Variants in RORA observed in about 807,000 individuals in gnomAD.
The protein encoded by RORA is RAR related orphan receptor A, also known as nuclear receptor ROR-alpha.
A neutral mutation model predicts 69.5 loss-of-function variants in RORA; 7 were observed. The observed-to-expected ratio is 0.10, with a 90% CI of 0.06 to 0.19. RORA has a LOEUF of 0.19. Among genes scored for constraint, RORA ranks in the 10% least tolerant of loss-of-function variants. The pLI, the probability that RORA is intolerant of heterozygous loss-of-function variation, is 1.00. For missense variants in RORA, 457 were observed against 663.0 expected (o/e 0.69, Z 3.41); for synonymous variants, 261 against 240.8 (o/e 1.08, Z -0.78).
chr15:60,854,100 A>G (rs2073355672), intron 1 of RORA, among the ~76,000 whole-genome samples: 1 of 152,148 alleles, frequency 6.6e-6, no homozygotes, highest in Non-Finnish European at 1.5e-5. Flanking sequence ...CATCTCCACT[A>G]AAAATACAAA....
chr15:60,848,857 C>T (rs1453949471), intron 1 of RORA: 3 of 152,314 alleles, frequency 2.0e-5, no homozygotes, highest in East Asian at 1.9e-4. Flanking sequence ...TCCCACTAGG[C>T]CCCTACTCCA....
intron 1 of RORA, among the ~76,000 whole-genome samples, chr15:60,863,825 G>A (rs1464679198): frequency 1.0e-5 from 1 of 99,268 alleles, no homozygotes; most frequent in South Asian, 3.3e-4. Flanking sequence ...TTTTTTTTTT[G>A]AGACAGAGTC....
chr15:60,994,534 T>C (rs1894470941), intron 1 of RORA, among the ~76,000 whole-genome samples: 1 of 152,246 alleles, frequency 6.6e-6, no homozygotes, highest in Non-Finnish European at 1.5e-5. Flanking sequence ...GGCTTCCTGT[T>C]GCCATCTCTG....
At chr15:60,740,727 C>T (rs2071564721) in intron 1 of RORA, among the ~76,000 whole-genome samples, 2 of 152,254 alleles carry the variant, frequency 1.3e-5, no homozygotes, top group Middle Eastern at 3.4e-3. Context: ...AAAAATGTGA[C>T]ATTGTTAGGT....
chr15:61,161,348 C>T (rs1042832056), intron 1 of RORA, among the ~76,000 whole-genome samples: 39 of 152,110 alleles, frequency 2.6e-4, no homozygotes, highest in African/African-American at 8.9e-4. Flanking sequence ...GATATAAAAT[C>T]GGAAGAATTT....
At chr15:60,632,392 C>G (rs7162257) in intron 2 of RORA, among the ~76,000 whole-genome samples, 86,250 of 151,944 alleles carry the variant, frequency 0.57, 24,584 homozygotes, top group East Asian at 0.7. Flanking sequence ...CATGCATGAG[C>G]CACTGCGCCC....
Position 60,531,963 on chromosome 15 carries a change from C to T in RORA, c.197-112G>A. The T allele has an allele frequency of 1.6e-6, 1 of 608,096 alleles. No individual in the cohort carries two copies. Among genetic ancestry groups the T allele is most frequent in the Non-Finnish European group, 2.8e-6 (1 of 351,364 alleles). The allele number at this position is 608,096 out of a possible 1,614,324, so 37.7% of individuals were successfully genotyped here. A position where few individuals can be genotyped will look rare whatever the true frequency, so the allele number is the denominator to read the frequency against. ...AACTAATAACCTGCTAAACATTATA[C>T]TGCATTAACTATTCATTGCTGAACT... On this transcript the variant is annotated intron_variant, in intron 2 of 10. Coordinates refer to ENST00000335670, the MANE Select transcript of RORA (RefSeq NM_134261.3). The surrounding 1 kb of genome is among the most constrained non-coding windows in gnomAD (Gnocchi z 4.8).
chr15:60,936,459 T>C (rs1472232566), intron 1 of RORA, among the ~76,000 whole-genome samples: 1 of 152,250 alleles, frequency 6.6e-6, no homozygotes, highest in Non-Finnish European at 1.5e-5. Context: ...TGCACACCTG[T>C]CACACCTTCA....
intron 2 of RORA, among the ~76,000 whole-genome samples, chr15:60,559,136 G>T (rs929811701): frequency 3.9e-5 from 6 of 151,914 alleles, no homozygotes; most frequent in African/African-American, 1.5e-4. Context: ...ACGAAATAAA[G>T]AGTATTTTAC....
At chr15:60,927,275 C>A (rs1187919359) in intron 1 of RORA, among the ~76,000 whole-genome samples, 1 of 152,168 alleles carries the variant, frequency 6.6e-6, no homozygotes, top group Non-Finnish European at 1.5e-5. Flanking sequence ...CCTAAGGAAG[C>A]TCTATCCTAT....
In RORA at chr15:60,918,363, T is replaced by A. The variant is rs535200674; in HGVS notation, c.167-239677A>T. Among the ~76,000 whole-genome samples, 14 of 152,386 alleles carry A rather than the reference T, an allele frequency of 9.2e-5. No homozygotes were observed. The South Asian group carries it at 2.7e-3, about 29-fold the overall frequency. On this transcript the variant is annotated intron_variant, in intron 1 of 10. Transcript: ENST00000335670. ...AGAAAGTTACTGGTTTGGTAGGCCA[T>A]TAGTGAATTTCCAGTGGCTACTAAT...
At chr15:60,737,255 GTGA>G (rs1375107257) in intron 1 of RORA, among the ~76,000 whole-genome samples, 1 of 152,224 alleles carries the variant, frequency 6.6e-6, no homozygotes, top group Non-Finnish European at 1.5e-5. Context: ...TTCTGGAAAA[GTGA>G]TGATGTCTAC....
intron 2 of RORA, among the ~76,000 whole-genome samples, chr15:60,628,531 A>C (rs2069652991): frequency 6.6e-6 from 1 of 152,000 alleles, no homozygotes; most frequent in South Asian, 2.1e-4. Flanking sequence ...CACCCAGCTA[A>C]TTTTTACATT....
At chr15:60,530,647 A>C (rs533980648) in intron 3 of RORA, 3 of 152,352 alleles carry the variant, frequency 2.0e-5, no homozygotes, top group South Asian at 2.1e-4. Flanking sequence ...ATGAAGAATT[A>C]AGGAAATTAT....
At chr15:60,754,911 T>C (rs1023459855) in intron 1 of RORA, among the ~76,000 whole-genome samples, 6 of 152,184 alleles carry the variant, frequency 3.9e-5, no homozygotes, top group Middle Eastern at 3.4e-3. Flanking sequence ...TTGTGTATGC[T>C]CAGTCTGGAA....
intron 1 of RORA, among the ~76,000 whole-genome samples, chr15:61,015,484 T>A (rs1895247836): frequency 6.7e-6 from 1 of 149,598 alleles, no homozygotes; most frequent in South Asian, 2.1e-4. Flanking sequence ...CAAAAAAAAA[T>A]GTTTGGAAGA....
intron 1 of RORA, among the ~76,000 whole-genome samples, chr15:60,778,061 G>T (rs1046144418): frequency 2.6e-5 from 4 of 152,082 alleles, no homozygotes. Flanking sequence ...TATAGCCTCC[G>T]GCAAGAAAAA....
chr15:60,517,671 A>G (rs2066010657), intron 3 of RORA, among the ~76,000 whole-genome samples: 2 of 152,172 alleles, frequency 1.3e-5, no homozygotes, highest in Non-Finnish European at 1.5e-5. Context: ...TCTCTGTCCA[A>G]GCTGAAAGGT....
At chr15:60,840,139 C>A (rs1258077289) in intron 1 of RORA, among the ~76,000 whole-genome samples, 1 of 152,078 alleles carries the variant, frequency 6.6e-6, no homozygotes, top group African/African-American at 2.4e-5. Context: ...TCTGCAGCAG[C>A]AATTAGAACT....
Sources: gnomAD v4.1 joint callset for allele counts (sites outside exome capture counted in the v4.1 genomes callset) on GRCh38, gnomAD v4.1.1 for gene constraint, Gnocchi (gnomAD v3.1) non-coding constraint, MANE v1.5 for transcripts, NCBI Gene and HGNC (gene_info 2026-07-23, HGNC 2026-07-21) for gene names.